The following TMEM245 variants were observed in gnomAD, a reference collection of about 807,000 sequenced individuals.
TMEM245 encodes protein CG-2.
Under a neutral mutation model 101.2 loss-of-function variants are expected in TMEM245, and 69 were observed. The observed-to-expected ratio is 0.68, with a 90% CI of 0.56 to 0.83. The LOEUF (loss-of-function observed/expected upper bound fraction) is 0.83. Among genes scored for constraint, TMEM245 ranks in the 40% least tolerant of loss-of-function variants. The pLI, the probability that TMEM245 is intolerant of heterozygous loss-of-function variation, is 0.00. For missense variants in TMEM245, 1,075 were observed against 1,092.8 expected (o/e 0.98, Z 0.23); for synonymous variants, 537 against 449.8 (o/e 1.19, Z -2.45).
At chr9:109,031,771 A>C (rs1219092073) in intron 17 of TMEM245, among the ~76,000 whole-genome samples, 1 of 152,252 alleles carries the variant, frequency 6.6e-6, no homozygotes, top group Non-Finnish European at 1.5e-5. Context: ...TATATAAATT[A>C]TACCTAAAGA....
intron 7 of TMEM245, 57 bp downstream of exon 7, chr9:109,085,940 G>A (rs969622520): frequency 1.1e-5 from 18 of 1,572,528 alleles, no homozygotes; most frequent in East Asian, 4.5e-5. Flanking sequence ...TGAAAAAGGC[G>A]ATACAGGGGC....
chr9:109,058,227 A>ATC, intron 11 of TMEM245, among the ~76,000 whole-genome samples: 1 of 150,834 alleles, frequency 6.6e-6, no homozygotes, highest in South Asian at 2.1e-4. Flanking sequence ...GATAGTCTTG[A>ATC]TCTCCTGATC....
chr9:109,105,765 A>G (rs1830394387), intron 3 of TMEM245, among the ~76,000 whole-genome samples: 1 of 151,956 alleles, frequency 6.6e-6, no homozygotes, highest in African/African-American at 2.4e-5. Context: ...ACATTGTGAC[A>G]TATTGTATGC....
At chr9:109,063,936 G>A (rs946248812) in intron 10 of TMEM245, among the ~76,000 whole-genome samples, 4 of 152,146 alleles carry the variant, frequency 2.6e-5, no homozygotes, top group African/African-American at 9.7e-5. Context: ...TGCTACAGTA[G>A]AAACAAAGGA....
intron 1 of TMEM245, among the ~76,000 whole-genome samples, chr9:109,115,616 T>C (rs1830703447): frequency 7.0e-6 from 1 of 143,608 alleles, no homozygotes; most frequent in African/African-American, 2.6e-5. Context: ...TTACAACCTC[T>C]GCCTCCCGGT....
rs1022018217 is a variant in TMEM245 at position 109,094,264 on chromosome 9, G to A, written c.800-673C>T. On this transcript the variant is annotated intron_variant, in intron 3 of 17. Coordinates refer to ENST00000374586, the MANE Select transcript of TMEM245 (RefSeq NM_032012.4). ...GTCTGTCAACCTTTAACCTTCTATAGCAGACAAGGAAGAATAGCTCACATA... is the reference window on the plus strand; with the variant it reads ...GTCTGTCAACCTTTAACCTTCTATAACAGACAAGGAAGAATAGCTCACATA... Among the ~76,000 whole-genome samples, 3 of 152,138 alleles carry A rather than the reference G, an allele frequency of 2.0e-5. 1 individual carries two copies. The highest frequency in any genetic ancestry group is 2.0e-4 in the Admixed American group (3 of 15,268).
At chr9:109,100,051 T>G (rs1205667320) in intron 3 of TMEM245, among the ~76,000 whole-genome samples, 1 of 152,178 alleles carries the variant, frequency 6.6e-6, no homozygotes. Flanking sequence ...TCCAAGTCTG[T>G]GTTACTCTGT....
intron 10 of TMEM245, among the ~76,000 whole-genome samples, chr9:109,064,203 G>A (rs945711092): frequency 2.0e-5 from 3 of 152,162 alleles, no homozygotes; most frequent in Non-Finnish European, 4.4e-5. Flanking sequence ...AGCCTTATTT[G>A]ACTACCCAAA....
chr9:109,051,164 T>C (rs1025112678), intron 12 of TMEM245, among the ~76,000 whole-genome samples: 1 of 151,836 alleles, frequency 6.6e-6, no homozygotes, highest in Non-Finnish European at 1.5e-5. Context: ...GTGTGGTACA[T>C]GCTTGTAATC....
intron 15 of TMEM245, 115 bp downstream of exon 15, chr9:109,037,902 C>G (rs1828182395): frequency 1.3e-6 from 1 of 764,140 alleles, no homozygotes; most frequent in Non-Finnish European, 2.1e-6. Flanking sequence ...GATTCGATCT[C>G]AAGCCAAAAA....
chr9:109,077,243 C>T (rs764656846), intron 8 of TMEM245, among the ~76,000 whole-genome samples: 6 of 151,394 alleles, frequency 4.0e-5, no homozygotes, highest in Admixed American at 1.3e-4. Flanking sequence ...CTCAATCTCC[C>T]GGGATCAAGC....
intron 8 of TMEM245, among the ~76,000 whole-genome samples, chr9:109,076,478 T>A (rs1015530801): frequency 4.6e-5 from 7 of 152,014 alleles, no homozygotes; most frequent in African/African-American, 1.7e-4. Context: ...CACGTATACA[T>A]ATGTAACAAA....
intron 1 of TMEM245, among the ~76,000 whole-genome samples, chr9:109,108,974 G>A (rs1284925447): frequency 6.6e-6 from 1 of 152,116 alleles, no homozygotes; most frequent in Non-Finnish European, 1.5e-5. Flanking sequence ...ACAAGAAAAG[G>A]AAAGCTTTCC....
Position 109,086,035 on chromosome 9 carries a change from G to GA in TMEM245, c.1321-16_1321-15insT. ...CAGTGCCAGAGCTTGAGGATAGGGG[G>GA]TAAGGTGAGAAAGAGAAGATAAGAA... On this transcript the variant is annotated splice_polypyrimidine_tract_variant and intron_variant, in intron 6 of 17. Transcript: ENST00000374586. 4 of 1,613,638 alleles carry GA rather than the reference G, an allele frequency of 2.5e-6. No individual in the cohort carries two copies. The highest frequency in any genetic ancestry group is 3.3e-4 in the Middle Eastern group (2 of 6,058).
At chr9:109,023,744 G>A (rs1278896139) in intron 17 of TMEM245, among the ~76,000 whole-genome samples, 3 of 151,790 alleles carry the variant, frequency 2.0e-5, no homozygotes, top group African/African-American at 7.3e-5. Flanking sequence ...GCTGAGGCAG[G>A]AGAATGGCGT....
intron 12 of TMEM245, among the ~76,000 whole-genome samples, chr9:109,053,281 G>C (rs954508273): frequency 1.3e-5 from 2 of 152,092 alleles, no homozygotes; most frequent in Non-Finnish European, 2.9e-5. Context: ...AAAAAAATTA[G>C]CTGAATGTGG....
chr9:109,104,692 T>C (rs994578655), intron 3 of TMEM245, among the ~76,000 whole-genome samples: 3 of 152,164 alleles, frequency 2.0e-5, no homozygotes, highest in Non-Finnish European at 4.4e-5. Context: ...GAGAGACATA[T>C]AGATCAGTGA....
Position 109,016,591 on chromosome 9 carries a change from A to T in TMEM245, c.*3869T>A, listed in dbSNP as rs947971072. The stretch of plus-strand genomic sequence containing the variant: ...AGAATTTCTGACTCTAGTAGACAGA[A>T]CAACTTGATTTATAATTCTCTTAAA... On this transcript the variant is annotated 3_prime_UTR_variant, in exon 18 of 18. Coordinates refer to ENST00000374586, the MANE Select transcript of TMEM245 (RefSeq NM_032012.4). 2 of 152,138 alleles carry T rather than the reference A, an allele frequency of 1.3e-5. No homozygotes were observed. The highest frequency in any genetic ancestry group is 2.9e-5 in the Non-Finnish European group (2 of 68,028). The allele number at this position is 152,138 out of a possible 1,614,324, so 9.4% of individuals were successfully genotyped here. A position where few individuals can be genotyped will look rare whatever the true frequency, so the allele number is the denominator to read the frequency against.
At chr9:109,102,024 T>A (rs1038035713) in intron 3 of TMEM245, among the ~76,000 whole-genome samples, 1 of 152,200 alleles carries the variant, frequency 6.6e-6, no homozygotes, top group African/African-American at 2.4e-5. Context: ...GAAACCATTC[T>A]GGCATAAGAG....
Sources: allele counts gnomAD v4.1 joint callset (sites outside exome capture counted in the v4.1 genomes callset), GRCh38; gene constraint gnomAD v4.1.1; transcripts MANE v1.5; gene names NCBI Gene and HGNC (gene_info 2026-07-23, HGNC 2026-07-21).